SMG6: variants seen among roughly 807,000 people sequenced by gnomAD.
SMG6 encodes telomerase-binding protein EST1A.
Under a neutral mutation model 142.2 loss-of-function variants are expected in SMG6, and 66 were observed. That is an observed-to-expected ratio of 0.46 (90% CI 0.38 to 0.57). The LOEUF (loss-of-function observed/expected upper bound fraction) is 0.57. Ranked by LOEUF, SMG6 falls within the 20% of genes least tolerant of loss-of-function variation. The pLI is 0.00. For synonymous variants in SMG6, 779 were observed against 702.4 expected, an observed-to-expected ratio of 1.11 and a Z score of -1.72; for missense variants, 1,793 against 1,832.0, an observed-to-expected ratio of 0.98 and a Z score of 0.39.
chr17:2,194,702 C>G (rs944346392), intron 10 of SMG6, among the ~76,000 whole-genome samples: 112 of 84,876 alleles, frequency 1.3e-3, no homozygotes, highest in African/African-American at 5.3e-3. Context: ...GAAAAGAAAA[C>G]AAAACAAAAC....
intron 8 of SMG6, among the ~76,000 whole-genome samples, chr17:2,260,900 G>A (rs2074296013): frequency 6.6e-6 from 1 of 151,924 alleles, no homozygotes; most frequent in Non-Finnish European, 1.5e-5. Flanking sequence ...AGAGGCTGAG[G>A]CAGAAGAATC....
chr17:2,207,234 G>A (rs115031163), intron 10 of SMG6, among the ~76,000 whole-genome samples: 1,557 of 151,930 alleles, frequency 0.01, 31 homozygotes, highest in African/African-American at 0.034. Flanking sequence ...AGCCGAGGCC[G>A]AGATGGTGCC....
At chr17:2,091,886 G>C (rs539367082) in intron 13 of SMG6, among the ~76,000 whole-genome samples, 6 of 150,522 alleles carry the variant, frequency 4.0e-5, no homozygotes, top group Non-Finnish European at 8.9e-5. Flanking sequence ...GTTTCACCGT[G>C]TTAGCCAGGA....
intron 13 of SMG6, among the ~76,000 whole-genome samples, chr17:2,146,727 G>A (rs762468418): frequency 4.6e-5 from 7 of 152,040 alleles, no homozygotes; most frequent in Non-Finnish European, 1.0e-4. Flanking sequence ...TGCCACGCCC[G>A]GCTAAGTTTT....
At chr17:2,129,499 T>C (rs1049141892) in intron 13 of SMG6, among the ~76,000 whole-genome samples, 6 of 152,048 alleles carry the variant, frequency 3.9e-5, no homozygotes, top group African/African-American at 7.2e-5. Flanking sequence ...GATACACTTA[T>C]CACAAATCTA....
chr17:2,129,793 CAAAAAAAAAAAA>C (rs57556112), intron 13 of SMG6, among the ~76,000 whole-genome samples: 1 of 56,320 alleles, frequency 1.8e-5, no homozygotes, highest in Non-Finnish European at 3.3e-5. Context: ...GGCTCTGTCT[CAAAAAAAAAAAA>C]AAAAAAAAAA....
chr17:2,071,904 C>CA lies in SMG6; in HGVS notation c.3682-2974dup, dbSNP rs1321853503. The CA allele has an allele frequency of 1.3e-5, 2 of 152,332 alleles. No individual in the cohort carries two copies. Among genetic ancestry groups the CA allele is most frequent in the Non-Finnish European group, 2.9e-5 (2 of 68,190 alleles). The allele number at this position is 152,332 out of a possible 1,614,324, so 9.4% of individuals were successfully genotyped here. On this transcript the variant is annotated intron_variant, in intron 15 of 18. Coordinates refer to ENST00000263073, the MANE Select transcript of SMG6 (RefSeq NM_017575.5). The surrounding 1 kb of genome is among the most constrained non-coding windows in gnomAD (Gnocchi z 5.6). ...TGTGTGTGTTTAGCATCTGCCCTCC[C>CA]AACTTTTCCAGATTTTACCCGTCAG... is the stretch of plus-strand genomic sequence containing the variant.
chr17:2,121,631 GTGTGTGTGTGTGTGT>G (rs1348176334), intron 13 of SMG6, among the ~76,000 whole-genome samples: 16 of 66,980 alleles, frequency 2.4e-4, no homozygotes, highest in South Asian at 3.9e-4. Context: ...GTGTGTGTGT[GTGTGTGTGTGTGTGT>G]AGAGAGAGAG....
chr17:2,095,500 G>T (rs1354484374), intron 13 of SMG6, among the ~76,000 whole-genome samples: 1 of 152,350 alleles, frequency 6.6e-6, no homozygotes, highest in East Asian at 1.9e-4. Flanking sequence ...TACTGTGTGT[G>T]TGAGGCACTG....
chr17:2,229,922 A>C (rs1267306632), intron 10 of SMG6, among the ~76,000 whole-genome samples: 1 of 152,080 alleles, frequency 6.6e-6, no homozygotes, highest in Non-Finnish European at 1.5e-5. Flanking sequence ...GCAGTGGCTC[A>C]TGCCTGTAAT....
chr17:2,073,062 C>T (rs1216762005), intron 15 of SMG6: 2 of 152,160 alleles, frequency 1.3e-5, no homozygotes, highest in Non-Finnish European at 2.9e-5. Context: ...CAGAGGACTA[C>T]TGATGTGTTT....
chr17:2,165,788 C>G (rs1012762421), intron 13 of SMG6, among the ~76,000 whole-genome samples: 1 of 152,022 alleles, frequency 6.6e-6, no homozygotes, highest in African/African-American at 2.4e-5. Flanking sequence ...GCCTGTAGTC[C>G]CAGCTACTCA....
At chr17:2,156,338 G>A (rs1295363927) in intron 13 of SMG6, among the ~76,000 whole-genome samples, 5 of 131,992 alleles carry the variant, frequency 3.8e-5, no homozygotes, top group Non-Finnish European at 7.7e-5. Flanking sequence ...AGGATGAAGT[G>A]AGCTGAGATT....
intron 10 of SMG6, among the ~76,000 whole-genome samples, chr17:2,227,563 G>T (rs373241921): frequency 6.6e-6 from 1 of 152,162 alleles, no homozygotes; most frequent in Non-Finnish European, 1.5e-5. Context: ...ATAAGCAGTC[G>T]CCTAGGGCAA....
In SMG6 at chr17:2,249,742, T is replaced by C. The variant is rs188172093; in HGVS notation, c.2662-5023A>G. Among the ~76,000 whole-genome samples, 5 of 152,366 alleles carry C rather than the reference T, an allele frequency of 3.3e-5. No homozygotes were observed. In the East Asian group the frequency reaches 7.7e-4, roughly 24 times the overall value. On this transcript the variant is annotated intron_variant, in intron 8 of 18. Transcript: ENST00000263073. The stretch of plus-strand genomic sequence containing the variant: ...ATCTTCCTTACATATTTACCTACTG[T>C]TCACTGAAACAAAAATGCTTCTTGG...
At chr17:2,297,461 C>T (rs549914564) in intron 3 of SMG6, 108 bp from the exon 4 acceptor site, 70 of 802,368 alleles carry the variant, frequency 8.7e-5, no homozygotes, top group Non-Finnish European at 1.3e-4. Flanking sequence ...GTTCAGACAT[C>T]CTATGAAAAG....
At chr17:2,214,688 T>C (rs897965875) in intron 10 of SMG6, among the ~76,000 whole-genome samples, 3 of 152,242 alleles carry the variant, frequency 2.0e-5, no homozygotes, top group Non-Finnish European at 4.4e-5. Flanking sequence ...TCATTCTTAA[T>C]TGTCCATGCA....
intron 15 of SMG6, among the ~76,000 whole-genome samples, chr17:2,069,951 C>T (rs1224804640): frequency 2.6e-5 from 4 of 152,190 alleles, no homozygotes; most frequent in African/African-American, 4.8e-5. Flanking sequence ...GCAACCATAT[C>T]GTGGTACTAA....
intron 13 of SMG6, among the ~76,000 whole-genome samples, chr17:2,118,598 CTTT>C (rs35884470): frequency 3.7e-4 from 50 of 135,942 alleles, no homozygotes; most frequent in Non-Finnish European, 1.8e-4. Context: ...ATCTAGATAG[CTTT>C]TTTTTTTTTT....
Sources: allele counts gnomAD v4.1 joint callset (sites outside exome capture counted in the v4.1 genomes callset), GRCh38; gene constraint gnomAD v4.1.1; non-coding constraint Gnocchi (gnomAD v3.1); transcripts MANE v1.5; gene names NCBI Gene and HGNC (gene_info 2026-07-23, HGNC 2026-07-21).